The following DLGAP1 variants were observed in gnomAD, a reference collection of about 807,000 sequenced individuals.
The protein encoded by DLGAP1 is disks large-associated protein 1.
DLGAP1 carries 11 observed loss-of-function variants against 90.8 expected under a neutral mutation model. The ratio of observed to expected loss-of-function variants is 0.12; its 90% CI spans 0.08 to 0.20. The LOEUF (loss-of-function observed/expected upper bound fraction) is 0.20. DLGAP1 is among the 10% of genes least tolerant of loss of function. The pLI, the probability that DLGAP1 is intolerant of heterozygous loss-of-function variation, is 1.00. For missense variants in DLGAP1, 1,050 were observed against 1,333.8 expected (o/e 0.79, Z 3.31); for synonymous variants, 558 against 540.7 (o/e 1.03, Z -0.44).
chr18:4,116,632 G>A (rs1261692635), intron 2 of DLGAP1, among the ~76,000 whole-genome samples: 1 of 151,900 alleles, frequency 6.6e-6, no homozygotes, highest in African/African-American at 2.4e-5. Flanking sequence ...TGTCTCTCGA[G>A]ACCCTTTAGT....
intron 2 of DLGAP1, among the ~76,000 whole-genome samples, chr18:4,121,808 A>T (rs565517800): frequency 6.6e-6 from 1 of 152,198 alleles, no homozygotes; most frequent in South Asian, 2.1e-4. Flanking sequence ...CCATTGAATA[A>T]TTTTTTCTTT....
intron 5 of DLGAP1, among the ~76,000 whole-genome samples, chr18:3,811,899 TCAGAG>T (rs1187283773): frequency 1.9e-4 from 29 of 152,286 alleles, no homozygotes; most frequent in African/African-American, 7.0e-4. Flanking sequence ...CTCAGTCTCC[TCAGAG>T]CACTCTTCTC....
intron 3 of DLGAP1, among the ~76,000 whole-genome samples, chr18:3,953,769 T>C (rs564535917): frequency 6.6e-6 from 1 of 152,332 alleles, no homozygotes; most frequent in African/African-American, 2.4e-5. Flanking sequence ...TTCCATAGTG[T>C]TTTTAAATGG....
At chr18:3,629,678 T>A (rs185682944) in intron 7 of DLGAP1, among the ~76,000 whole-genome samples, 28 of 151,518 alleles carry the variant, frequency 1.8e-4, no homozygotes, top group Admixed American at 3.9e-4. Context: ...TCTCAAAAAA[T>A]AAATAAATAA....
intron 2 of DLGAP1, among the ~76,000 whole-genome samples, chr18:4,023,023 T>C (rs957128187): frequency 2.0e-5 from 3 of 150,788 alleles, no homozygotes; most frequent in African/African-American, 7.4e-5. Flanking sequence ...TTAGATTATA[T>C]TCTCACCAGC....
At chr18:3,639,791 G>T (rs776980011) in intron 7 of DLGAP1, among the ~76,000 whole-genome samples, 21 of 117,772 alleles carry the variant, frequency 1.8e-4, no homozygotes, top group Admixed American at 4.8e-4. Context: ...GTCTTGCTCT[G>T]TCGCCCAGGC....
At chr18:3,867,931 C>A (rs1289715969) in intron 4 of DLGAP1, among the ~76,000 whole-genome samples, 7 of 152,168 alleles carry the variant, frequency 4.6e-5, no homozygotes, top group Admixed American at 3.9e-4. Flanking sequence ...GCAGTGATTG[C>A]GTAACTCAAA....
chr18:3,940,843 T>A (rs2072752894), intron 3 of DLGAP1, among the ~76,000 whole-genome samples: 1 of 152,304 alleles, frequency 6.6e-6, no homozygotes, highest in East Asian at 1.9e-4. Flanking sequence ...TTAAGAGAGA[T>A]CTATAATAGT....
chr18:4,069,988 C>CT lies in DLGAP1; in HGVS notation c.-158-64788dup, dbSNP rs367638752. ...ATCCATATTTTCTTTTTCTTTCTTT[C>CT]TTTTTTTTTTTTGAGACAGGGTCTT... On this transcript the variant is annotated intron_variant, in intron 2 of 12. Transcript: ENST00000315677. Among the ~76,000 whole-genome samples, 116 of 145,232 alleles carry CT rather than the reference C, an allele frequency of 8.0e-4. No individual in the cohort carries two copies. In the Middle Eastern group the frequency reaches 0.011, roughly 14 times the overall value.
At chr18:3,966,955 G>A (rs2872871) in intron 3 of DLGAP1, among the ~76,000 whole-genome samples, 5,696 of 152,202 alleles carry the variant, frequency 0.037, 317 homozygotes, top group African/African-American at 0.12. Flanking sequence ...ATGTTCTGAG[G>A]TCCAAGAGAG....
chr18:4,198,386 T>G (rs1245136468), intron 1 of DLGAP1, among the ~76,000 whole-genome samples: 1 of 152,116 alleles, frequency 6.6e-6, no homozygotes, highest in Non-Finnish European at 1.5e-5. Flanking sequence ...ATGAAAGCAA[T>G]GAGCTCTGTC....
chr18:3,673,554 A>C (rs779099847), intron 7 of DLGAP1, among the ~76,000 whole-genome samples: 5 of 152,116 alleles, frequency 3.3e-5, no homozygotes, highest in African/African-American at 4.8e-5. Context: ...GGATGATTGC[A>C]ACTCTTTTTT....
chr18:3,573,022 T>A (rs1456678429), intron 8 of DLGAP1, among the ~76,000 whole-genome samples: 4 of 152,184 alleles, frequency 2.6e-5, no homozygotes, highest in Non-Finnish European at 5.9e-5. Flanking sequence ...CCAATCATCA[T>A]GCTGATGAAT....
rs148140207 is a variant in DLGAP1 at position 3,784,903 on chromosome 18, C to T, written c.1172+29156G>A. Among the ~76,000 whole-genome samples the T allele has an allele frequency of 2.6e-3, 391 of 152,280 alleles. 2 individuals carry two copies. Among genetic ancestry groups the T allele is most frequent in the African/African-American group, 9.2e-3 (384 of 41,564 alleles). On this transcript the variant is annotated intron_variant, in intron 5 of 12. Coordinates refer to ENST00000315677, the MANE Select transcript of DLGAP1 (RefSeq NM_004746.4). ...TTGTCCCTTGTCCTCCTGCTGCCAG[C>T]CACTGGCCTTCTTGCTGCTCCCTGT...
At chr18:3,609,349 G>A (rs2057484115) in intron 7 of DLGAP1, among the ~76,000 whole-genome samples, 1 of 152,208 alleles carries the variant, frequency 6.6e-6, no homozygotes, top group Admixed American at 6.5e-5. Context: ...ACCCGGGCCT[G>A]AGTCTTCCTT....
At chr18:3,758,031 C>T (rs2063790040) in intron 5 of DLGAP1, among the ~76,000 whole-genome samples, 1 of 149,280 alleles carries the variant, frequency 6.7e-6, no homozygotes, top group Non-Finnish European at 1.5e-5. Context: ...CAGAGAATTG[C>T]TTGAACTGGG....
chr18:4,281,909 G>A (rs943683973), intron 1 of DLGAP1, among the ~76,000 whole-genome samples: 1 of 152,086 alleles, frequency 6.6e-6, no homozygotes, highest in Non-Finnish European at 1.5e-5. Context: ...CTTTCTGTGT[G>A]AAACATCTAT....
chr18:4,050,532 T>C (rs2075118327), intron 2 of DLGAP1, among the ~76,000 whole-genome samples: 1 of 152,222 alleles, frequency 6.6e-6, no homozygotes, highest in South Asian at 2.1e-4. Flanking sequence ...TTAAGCTTTA[T>C]TATTGTCAAT....
At chr18:4,281,446 C>T (rs1032119366) in intron 1 of DLGAP1, among the ~76,000 whole-genome samples, 21 of 152,136 alleles carry the variant, frequency 1.4e-4, no homozygotes, top group African/African-American at 4.3e-4. Flanking sequence ...CTCAGCTACT[C>T]GGGAGGCTGA....
Sources: gnomAD v4.1 joint callset for allele counts (sites outside exome capture counted in the v4.1 genomes callset) on GRCh38, gnomAD v4.1.1 for gene constraint, MANE v1.5 for transcripts, NCBI Gene and HGNC (gene_info 2026-07-23, HGNC 2026-07-21) for gene names.